Variants in HTR2C observed in about 807,000 individuals in gnomAD.
HTR2C encodes 5-hydroxytryptamine (serotonin) receptor 2C, G protein-coupled.
Under a neutral mutation model 21.0 loss-of-function variants are expected in HTR2C, and 5 were observed. That is an observed-to-expected ratio of 0.24 (90% CI 0.12 to 0.50). The LOEUF (loss-of-function observed/expected upper bound fraction) is 0.50. HTR2C is among the 20% of genes least tolerant of loss of function. The pLI, the probability that HTR2C is intolerant of heterozygous loss-of-function variation, is 0.98. For synonymous variants in HTR2C, 150 were observed against 145.3 expected (o/e 1.03, Z -0.23); for missense variants, 271 against 371.2 (o/e 0.73, Z 2.22).
In HTR2C at chrX:114,830,232, G is replaced by A. The variant is rs376907740; in HGVS notation, c.350-17771G>A. 8.1e-5 allele frequency among the ~76,000 whole-genome samples: 9 copies of A among 111,116 alleles called. No homozygotes were observed. The East Asian group carries it at 1.1e-3, about 14-fold the overall frequency. ...TTTATGCCAGGATAGAAAAAGTGAAGCAAAGAAATCTCTCTGTTTTATGCC... is the reference window on the plus strand; with the variant it reads ...TTTATGCCAGGATAGAAAAAGTGAAACAAAGAAATCTCTCTGTTTTATGCC... On this transcript the variant is annotated intron_variant, in intron 4 of 5. Coordinates refer to ENST00000276198, the MANE Select transcript of HTR2C (RefSeq NM_000868.4).
At chrX:114,606,879 G>A (rs1363240119) in intron 1 of HTR2C, among the ~76,000 whole-genome samples, 2 of 110,728 alleles carry the variant, frequency 1.8e-5, no homozygotes, top group African/African-American at 6.7e-5. Flanking sequence ...AGTGGGCTGA[G>A]TCCGAAAAGA....
intron 2 of HTR2C, among the ~76,000 whole-genome samples, chrX:114,642,539 T>A (rs1930176380): frequency 3.6e-5 from 4 of 112,206 alleles, no homozygotes; most frequent in Non-Finnish European, 7.5e-5. Context: ...AAATATTTTA[T>A]TTTGAAGCTT....
Position 114,907,041 on chromosome X carries a change from G to A in HTR2C, c.1003G>A (p.Val335Ile). The A allele has an allele frequency of 8.3e-7, 1 of 1,210,542 alleles. No homozygotes were observed. Among genetic ancestry groups the A allele is most frequent in the Non-Finnish European group, 1.1e-6 (1 of 894,537 alleles). ...ATTTTTCATTACCAATATTCTGTCTGTTCTTTGTGAGAAGTCCTGTAACCA... is the reference window on the plus strand; with the variant it reads ...ATTTTTCATTACCAATATTCTGTCTATTCTTTGTGAGAAGTCCTGTAACCA... The part of the protein sequence containing the change: ...CPFFITNILS[V>I]LCEKSCNQKL... The change falls in exon 6 of 6, where the codon GTT becomes ATT. Residue 335 changes from valine to isoleucine, a missense_variant. Transcript: ENST00000276198.
intron 2 of HTR2C, among the ~76,000 whole-genome samples, chrX:114,686,785 T>A (rs1445746605): frequency 9.0e-6 from 1 of 111,220 alleles, no homozygotes; most frequent in Non-Finnish European, 1.9e-5. Context: ...ATAACTTTTA[T>A]GCAATTTTAT....
intron 4 of HTR2C, among the ~76,000 whole-genome samples, chrX:114,735,937 A>C (rs1348129817): frequency 2.7e-5 from 3 of 109,984 alleles, no homozygotes; most frequent in Non-Finnish European, 3.8e-5. Context: ...ATGGTGAAAC[A>C]CCGTCTCTAC....
At chrX:114,615,062 CATTAG>C (rs1383026030) in intron 2 of HTR2C, among the ~76,000 whole-genome samples, 28 of 111,188 alleles carry the variant, frequency 2.5e-4, no homozygotes, top group Non-Finnish European at 3.4e-4. Flanking sequence ...AATATATACG[CATTAG>C]ATTAAAGAAG....
At chrX:114,589,693 C>A in intron 1 of HTR2C, 2 of 259,127 alleles carry the variant, frequency 7.7e-6, no homozygotes, top group Non-Finnish European at 1.4e-5. Flanking sequence ...CGACACAGTA[C>A]AAGAAGGGCA....
At chrX:114,695,468 A>C (rs1932252282) in intron 2 of HTR2C, among the ~76,000 whole-genome samples, 1 of 111,663 alleles carries the variant, frequency 9.0e-6, no homozygotes, top group African/African-American at 3.2e-5. Context: ...CTCTGTTATA[A>C]GGCTCTGTTT....
At chrX:114,675,868 C>CTTTTTTTTTT (rs1556412476) in intron 2 of HTR2C, among the ~76,000 whole-genome samples, 1 of 94,318 alleles carries the variant, frequency 1.1e-5, no homozygotes, top group Non-Finnish European at 2.1e-5. Flanking sequence ...TTTCTTTTTT[C>CTTTTTTTTTT]TTTTTTCTTT....
In HTR2C at chrX:114,871,718, T is replaced by C. The variant is rs781991558; in HGVS notation, c.550+23515T>C. Among the ~76,000 whole-genome samples the C allele has an allele frequency of 4.5e-5, 5 of 110,291 alleles. No individual in the cohort carries two copies. The Admixed American group carries it at 4.9e-4, about 11-fold the overall frequency. On this transcript the variant is annotated intron_variant, in intron 5 of 5. Transcript: ENST00000276198. ...TCTTCTTTTCTGTTTTTTGCAAGAA[T>C]GTTTGAATGATTGATGTTAATTCTT...
intron 2 of HTR2C, among the ~76,000 whole-genome samples, chrX:114,700,627 G>A (rs1932435358): frequency 8.9e-6 from 1 of 112,525 alleles, no homozygotes; most frequent in South Asian, 3.7e-4. Context: ...CCCAGCCTGA[G>A]CAACGCAGAA....
rs201527396 is a variant in HTR2C at position 114,907,169 on chromosome X, G to A, written c.1131G>A (p.Arg377=). 2.5e-6 allele frequency: 3 copies of A among 1,210,756 alleles called. No individual in the cohort carries two copies. The highest frequency in any genetic ancestry group is 1.1e-6 in the Non-Finnish European group (1 of 894,865). The change falls in exon 6 of 6, where the codon AGG becomes AGA. Residue 377 remains arginine, a synonymous_variant. Coordinates refer to ENST00000276198, the MANE Select transcript of HTR2C (RefSeq NM_000868.4). The stretch of plus-strand genomic sequence containing the variant: ...CTCTGTTCAACAAAATTTACCGAAG[G>A]GCATTCTCCAACTATTTGCGTTGCA... ...VYTLFNKIYR[R]AFSNYLRCNY...
At chrX:114,771,352 T>G (rs1222496199) in intron 4 of HTR2C, among the ~76,000 whole-genome samples, 8 of 111,821 alleles carry the variant, frequency 7.2e-5, no homozygotes, top group Non-Finnish European at 1.3e-4. Flanking sequence ...TTTTTATTTT[T>G]AATCCTTCTT....
At chrX:114,806,079 A>G (rs2147437100) in intron 4 of HTR2C, among the ~76,000 whole-genome samples, 1 of 101,243 alleles carries the variant, frequency 9.9e-6, no homozygotes, top group Admixed American at 1.1e-4. Context: ...TATATACACC[A>G]TATATATACC....
intron 4 of HTR2C, chrX:114,776,809 A>G (rs1213372982): frequency 4.0e-6 from 1 of 248,560 alleles, no homozygotes; most frequent in Admixed American, 5.6e-5. Flanking sequence ...TCTGACTACA[A>G]AGAAAGACAC....
chrX:114,661,023 A>T (rs1252429959), intron 2 of HTR2C, among the ~76,000 whole-genome samples: 2 of 112,479 alleles, frequency 1.8e-5, no homozygotes, highest in African/African-American at 6.5e-5. Flanking sequence ...TCAAATAAGT[A>T]TTCCCCTCCC....
rs144139449 is a variant in HTR2C at position 114,897,875 on chromosome X, A to G, written c.551-8714A>G. Among the ~76,000 whole-genome samples the G allele has an allele frequency of 6.9e-4, 78 of 112,485 alleles. 1 individual carries two copies. The highest frequency in any genetic ancestry group is 5.4e-3 in the Admixed American group (58 of 10,654). On this transcript the variant is annotated intron_variant, in intron 5 of 5. Transcript: ENST00000276198. The stretch of plus-strand genomic sequence containing the variant: ...AGTGCTGCAATGAACATATACATGC[A>G]TGTATCTTTATAACAGAATAATTTA...
At chrX:114,775,839 CA>C in intron 4 of HTR2C, 1 of 385,487 alleles carries the variant, frequency 2.6e-6, no homozygotes, top group Non-Finnish European at 4.7e-6. Context: ...TATACAGGGC[CA>C]AGGGTGCCAT....
intron 3 of HTR2C, among the ~76,000 whole-genome samples, chrX:114,730,782 G>A (rs1186296334): frequency 9.0e-6 from 1 of 111,170 alleles, no homozygotes; most frequent in Non-Finnish European, 1.9e-5. Flanking sequence ...CATATCTAAA[G>A]GAATCAGTAT....
Sources: allele counts gnomAD v4.1 joint callset (sites outside exome capture counted in the v4.1 genomes callset), GRCh38; gene constraint gnomAD v4.1.1; transcripts MANE v1.5; gene names NCBI Gene and HGNC (gene_info 2026-07-23, HGNC 2026-07-21).